The following SNAPC4 variants were observed in gnomAD, a reference collection of about 807,000 sequenced individuals.
SNAPC4 encodes the protein small nuclear RNA activating complex polypeptide 4, also known as snRNA-activating protein complex subunit 4.
In SNAPC4, 127 loss-of-function variants were observed where a neutral mutation model predicts 151.3. The ratio of observed to expected loss-of-function variants is 0.84; its 90% CI spans 0.73 to 0.97. The LOEUF (loss-of-function observed/expected upper bound fraction) is 0.97. SNAPC4 is among the 50% of genes least tolerant of loss of function. The pLI, the probability that SNAPC4 is intolerant of heterozygous loss-of-function variation, is 0.00. For synonymous variants in SNAPC4, 1,002 were observed against 824.4 expected (o/e 1.22, Z -3.69); for missense variants, 2,186 against 1,935.0 (o/e 1.13, Z -2.43).
chr9:136,382,116 G>C, intron 17 of SNAPC4, 43 bp from the exon 18 acceptor site: 1 of 1,561,070 alleles, frequency 6.4e-7, no homozygotes, highest in East Asian at 2.4e-5. Context: ...GCCAGGCTCG[G>C]CCCCCGGAGT....
At chr9:136,399,524 G>A (rs1224387147) in intron 1 of SNAPC4, among the ~76,000 whole-genome samples, 2 of 152,152 alleles carry the variant, frequency 1.3e-5, no homozygotes, top group Admixed American at 1.3e-4. Flanking sequence ...GGTGAGCAAT[G>A]ATCAGCAGGA....
At position 136,398,743 on chromosome 9, in the gene SNAPC4, G is replaced by A. The variant is rs553372803; in HGVS notation, c.-9-306C>T. ...GAACAAGGACAGGCCCCACTGTCCC[G>A]TCTCTGCTCCCACACCAAGCCACAT... On this transcript the variant is annotated intron_variant, in intron 1 of 23. Transcript: ENST00000684778. 10 of 269,632 alleles carry A rather than the reference G, an allele frequency of 3.7e-5. 1 individual carries two copies. Among genetic ancestry groups the A allele is most frequent in the South Asian group, 1.0e-4 (2 of 19,244 alleles). The allele number at this position is 269,632 out of a possible 1,614,324, so 16.7% of individuals were successfully genotyped here. A position where few individuals can be genotyped will look rare whatever the true frequency, so the allele number is the denominator to read the frequency against.
Position 136,383,052 on chromosome 9 carries a change from G to T in SNAPC4, c.1983+134C>A. Reference sequence around the variant, plus strand: ...TCCCCCCGACGCACAGCTGTCCAGAGCTCAGCCAGAAGTAGCACGTTCTGA... The same window carrying T: ...TCCCCCCGACGCACAGCTGTCCAGATCTCAGCCAGAAGTAGCACGTTCTGA... On this transcript the variant is annotated intron_variant, in intron 16 of 23. Coordinates refer to ENST00000684778, the MANE Select transcript of SNAPC4 (RefSeq NM_003086.4). This position sits in a 1 kb window ranked among gnomAD's most constrained non-coding sequence, Gnocchi z 4.2. The T allele has an allele frequency of 7.3e-7, 1 of 1,372,190 alleles. No homozygotes were observed. Among genetic ancestry groups the T allele is most frequent in the Non-Finnish European group, 9.5e-7 (1 of 1,047,378 alleles). The allele number at this position is 1,372,190 out of a possible 1,614,324, so 85.0% of individuals were successfully genotyped here.
At chr9:136,398,526 G>C in intron 1 of SNAPC4, 89 bp from the exon 2 acceptor site, 1 of 1,471,894 alleles carries the variant, frequency 6.8e-7, no homozygotes, top group South Asian at 1.2e-5. Context: ...ATGGGGGATG[G>C]CAGGAGCCTG....
rs200438559 is a variant in SNAPC4, at chr9:136,378,345, G to A, written c.3482C>T (p.Ser1161Phe). The A allele has an allele frequency of 1.2e-6, 2 of 1,608,556 alleles. No homozygotes were observed. The highest frequency in any genetic ancestry group is 2.2e-5 in the East Asian group (1 of 44,772). The change falls in exon 22 of 24, where the codon TCC (serine) becomes TTC (phenylalanine). Residue 1161 changes from serine to phenylalanine, a missense_variant. Ser to Phe is a radical substitution (Grantham distance 155, BLOSUM62 -2). Transcript: ENST00000684778. ...DTPAPPTHAL[S>F]QSPAEADGSV... ...GCCATCCGCTTCTGCAGGACTTTGG[G>A]AGAGGGCGTGTGTGGGAGGAGCTGG... is the stretch of plus-strand genomic sequence containing the variant.
Position 136,376,036 on chromosome 9 carries a change from C to T in SNAPC4, c.*8-236G>A, listed in dbSNP as rs542393515. Among the ~76,000 whole-genome samples, 69 of 152,252 alleles carry T rather than the reference C, an allele frequency of 4.5e-4. 1 individual carries two copies. Among genetic ancestry groups the T allele is most frequent in the Middle Eastern group, 6.8e-3 (2 of 294 alleles). The stretch of plus-strand genomic sequence containing the variant: ...GATCGTTTTACAAGCTGGGAGACGA[C>T]GCAGCAATGCACGGGAACAGGGCAC... On this transcript the variant is annotated intron_variant, in intron 23 of 23. Transcript: ENST00000684778.
rs759237154 is a variant in SNAPC4, at chr9:136,392,027, C to T, written c.890G>A (p.Trp297Ter). The change falls in exon 10 of 24, where the codon TGG (tryptophan) becomes TAG (stop). Residue 297 changes from tryptophan to a stop codon, truncating the protein, a stop_gained. Coordinates refer to ENST00000684778, the MANE Select transcript of SNAPC4 (RefSeq NM_003086.4). LOFTEE classifies it high-confidence loss of function. ...CAGCCGCTCCTCCTCCTCCCTGCTC[C>T]ACTCCTGCTTGTTGATGCTGGGGTG... ...SEHPSINKQE[W>*]SREEEERLQA... The T allele has an allele frequency of 6.2e-7, 1 of 1,612,248 alleles. No individual in the cohort carries two copies.
At chr9:136,387,716 G>T in intron 12 of SNAPC4, 26 bp downstream of exon 12, 2 of 1,493,290 alleles carry the variant, frequency 1.3e-6, no homozygotes, top group Non-Finnish European at 1.9e-6. Context: ...CCAGAGCCCA[G>T]TTCTCCTAGG....
intron 10 of SNAPC4, among the ~76,000 whole-genome samples, chr9:136,389,347 G>A (rs1396391037): frequency 2.0e-5 from 3 of 151,700 alleles, no homozygotes; most frequent in Admixed American, 6.6e-5. Flanking sequence ...GGCAGAGGGC[G>A]CGTGGGGCTG....
chr9:136,376,037 G>A (rs945236549), intron 23 of SNAPC4, among the ~76,000 whole-genome samples: 3 of 152,198 alleles, frequency 2.0e-5, no homozygotes, highest in African/African-American at 4.8e-5. Context: ...GGGAGACGAC[G>A]CAGCAATGCA....
At chr9:136,397,620 C>G (rs1218604415) in intron 2 of SNAPC4, among the ~76,000 whole-genome samples, 1 of 93,444 alleles carries the variant, frequency 1.1e-5, no homozygotes, top group Non-Finnish European at 2.1e-5. Context: ...GAGGGGAGCA[C>G]GTGGGGTGGG....
rs1833800489 is a variant in SNAPC4, at chr9:136,383,892, G to A, written c.1500+61C>T. ...CTCCCCTCCCCTCCTCCTGCCTGCT[G>A]GACCCCCCAGTTGACCAGGCCATTG... On this transcript the variant is annotated intron_variant, in intron 15 of 23. Coordinates refer to ENST00000684778, the MANE Select transcript of SNAPC4 (RefSeq NM_003086.4). The surrounding 1 kb of genome is among the most constrained non-coding windows in gnomAD (Gnocchi z 4.2). The A allele has an allele frequency of 6.8e-7, 1 of 1,477,016 alleles. No individual in the cohort carries two copies. The highest frequency in any genetic ancestry group is 1.1e-5 in the South Asian group (1 of 88,048). The allele number at this position is 1,477,016 out of a possible 1,614,324, so 91.5% of individuals were successfully genotyped here.
At position 136,377,856 on chromosome 9, in the gene SNAPC4, A is replaced by G. The variant is rs1460621438; in HGVS notation, c.3971T>C (p.Leu1324Pro). Residue 1324 changes from leucine to proline, a missense_variant, in exon 22 of 24, where the codon CTG becomes CCG. By Grantham distance (98) the Leu-to-Pro change is moderately conservative. Coordinates refer to ENST00000684778, the MANE Select transcript of SNAPC4 (RefSeq NM_003086.4). ...LSGLLLHKKA[L>P]EHKATSLVVG... is the part of the protein sequence containing the mutation. Reference sequence around the variant, plus strand: ...CACCAGGGAGGTGGCCTTGTGCTCCAGGGCCTTCTTGTGGAGTAGGAGACC... The same window carrying G: ...CACCAGGGAGGTGGCCTTGTGCTCCGGGGCCTTCTTGTGGAGTAGGAGACC... 4 of 1,611,492 alleles carry G rather than the reference A, an allele frequency of 2.5e-6. No individual in the cohort carries two copies. The highest frequency in any genetic ancestry group is 3.3e-5 in the Admixed American group (2 of 60,016).
chr9:136,377,928 C>T lies in SNAPC4; in HGVS notation c.3899G>A (p.Arg1300Lys), dbSNP rs753637992. 34 of 1,609,402 alleles carry T rather than the reference C, an allele frequency of 2.1e-5. No homozygotes were observed. Among genetic ancestry groups the T allele is most frequent in the Non-Finnish European group, 3.4e-6 (4 of 1,178,712 alleles). The change falls in exon 22 of 24, where the codon AGA (arginine) becomes AAA (lysine). Residue 1300 changes from arginine to lysine, a missense_variant. Arg to Lys is a conservative substitution (Grantham distance 26, BLOSUM62 2). Transcript: ENST00000684778. ...CAGGGCTGGGGGCTGATAGGGCAGT[C>T]TGCTGCCCAGAAGAGGCACACGCAC... ...RGVRVPLLGS[R>K]LPYQPPALCS...
Position 136,378,042 on chromosome 9 carries a change from G to A in SNAPC4, c.3785C>T (p.Pro1262Leu). 1 of 1,584,496 alleles carries A rather than the reference G, an allele frequency of 6.3e-7. No homozygotes were observed. The highest frequency in any genetic ancestry group is 1.8e-4 in the Middle Eastern group (1 of 5,474). Residue 1262 changes from proline to leucine, a missense_variant, in exon 22 of 24, where the codon CCT becomes CTT. Physicochemically the swap from Pro to Leu is moderately conservative, Grantham distance 98. Coordinates refer to ENST00000684778, the MANE Select transcript of SNAPC4 (RefSeq NM_003086.4). ...LDLEKPPLPQ[P>L]GPEKGALDLG... ...GTCCAGGGCCCCCTTCTCAGGCCCA[G>A]GCTGGGGTAGGGGCGGCTTCTCCAG...
chr9:136,389,613 T>C (rs1208573997), intron 10 of SNAPC4, among the ~76,000 whole-genome samples: 1 of 151,500 alleles, frequency 6.6e-6, no homozygotes, highest in East Asian at 1.9e-4. Context: ...CCCAAGAGAG[T>C]GCTTCTGGGA....
At position 136,377,544 on chromosome 9, in the gene SNAPC4, T is replaced by C; in HGVS notation, c.4283A>G (p.Gln1428Arg). The change falls in exon 22 of 24, where the codon CAG (glutamine) becomes CGG (arginine). Residue 1428 changes from glutamine (Q) to arginine (R), a missense_variant and splice_region_variant. Coordinates refer to ENST00000684778, the MANE Select transcript of SNAPC4 (RefSeq NM_003086.4). ...AGTGGGGCTGGGCGCCCACCCTACC[T>C]GAATGGGGCATGTGGCTGTCGTGCA... ...PGCTTATCPI[Q>R]GAPDSGKCSA... The C allele has an allele frequency of 2.0e-6, 3 of 1,506,900 alleles. No homozygotes were observed. The highest frequency in any genetic ancestry group is 2.7e-6 in the Non-Finnish European group (3 of 1,127,146). The allele number at this position is 1,506,900 out of a possible 1,614,324, so 93.3% of individuals were successfully genotyped here.
chr9:136,386,527 C>T (rs1352886562), intron 13 of SNAPC4, among the ~76,000 whole-genome samples: 2 of 151,698 alleles, frequency 1.3e-5, no homozygotes, highest in Non-Finnish European at 2.9e-5. Flanking sequence ...CTCCGCCTCC[C>T]AGTTTCAAGC....
chr9:136,388,042 C>T (rs1329233192), intron 11 of SNAPC4, among the ~76,000 whole-genome samples, 194 bp from the exon 12 acceptor site: 2 of 152,110 alleles, frequency 1.3e-5, no homozygotes, highest in African/African-American at 2.4e-5. Context: ...CAGAGGCTGG[C>T]GGATCACCTA....
Sources: gnomAD v4.1 joint callset for allele counts (sites outside exome capture counted in the v4.1 genomes callset) on GRCh38, gnomAD v4.1.1 for gene constraint, Gnocchi (gnomAD v3.1) non-coding constraint, MANE v1.5 for transcripts, NCBI Gene and HGNC (gene_info 2026-07-23, HGNC 2026-07-21) for gene names.